KCND3: variants seen among roughly 807,000 people sequenced by gnomAD.
The protein encoded by KCND3 is potassium voltage-gated channel subfamily D member 3.
KCND3 carries 9 observed loss-of-function variants against 51.1 expected under a neutral mutation model. The observed-to-expected ratio is 0.18, with a 90% CI of 0.11 to 0.31. The LOEUF is 0.31. KCND3 is among the 10% of genes least tolerant of loss of function. KCND3 has a pLI of 1.00. For missense variants in KCND3, 526 were observed against 903.8 expected, an observed-to-expected ratio of 0.58 and a Z score of 5.36; for synonymous variants, 349 against 368.0, an observed-to-expected ratio of 0.95 and a Z score of 0.59.
At chr1:111,966,461 T>C (rs1265296641) in intron 2 of KCND3, among the ~76,000 whole-genome samples, 1 of 151,722 alleles carries the variant, frequency 6.6e-6, no homozygotes, top group African/African-American at 2.4e-5. Flanking sequence ...GAAGAAGGGG[T>C]GAGAGCTCTG....
At chr1:111,827,270 A>G (rs1181985300) in intron 2 of KCND3, among the ~76,000 whole-genome samples, 2 of 152,242 alleles carry the variant, frequency 1.3e-5, no homozygotes, top group African/African-American at 4.8e-5. Flanking sequence ...CATGAGTGAA[A>G]GCAGAGACAG....
Position 111,780,147 on chromosome 1 carries a change from G to T in KCND3, c.1461+78C>A. 1 of 1,365,148 alleles carries T rather than the reference G, an allele frequency of 7.3e-7. No individual in the cohort carries two copies. 84.6% of individuals were successfully genotyped at this position (1,365,148 alleles called of 1,614,324 possible). On this transcript the variant is annotated intron_variant, in intron 5 of 7. Coordinates refer to ENST00000302127, the MANE Select transcript of KCND3 (RefSeq NM_001378969.1). This position sits in a 1 kb window ranked among gnomAD's most constrained non-coding sequence, Gnocchi z 4.2. ...GGGACAGACTTTGACTTCTGGCCCAGAGTGAAGATGTGAGTACAGCCTTAG... is the reference window on the plus strand; with the variant it reads ...GGGACAGACTTTGACTTCTGGCCCATAGTGAAGATGTGAGTACAGCCTTAG...
intron 2 of KCND3, among the ~76,000 whole-genome samples, chr1:111,976,278 C>A (rs372854855): frequency 6.6e-6 from 1 of 152,188 alleles, no homozygotes; most frequent in South Asian, 2.1e-4. Context: ...AGCCAAGTAG[C>A]CAAGAGTTGG....
At chr1:111,986,738 A>G (rs1174263168) in intron 1 of KCND3, among the ~76,000 whole-genome samples, 1 of 152,192 alleles carries the variant, frequency 6.6e-6, no homozygotes, top group Non-Finnish European at 1.5e-5. Flanking sequence ...CCATGCAAAG[A>G]AGGAAGTAGA....
chr1:111,931,825 A>T (rs1479783747), intron 2 of KCND3, among the ~76,000 whole-genome samples: 2 of 152,222 alleles, frequency 1.3e-5, no homozygotes, highest in African/African-American at 4.8e-5. Flanking sequence ...CCACTAGGAC[A>T]TCCCTTAAGA....
chr1:111,797,282 C>T (rs1268296377), intron 2 of KCND3, among the ~76,000 whole-genome samples: 3 of 152,176 alleles, frequency 2.0e-5, no homozygotes, highest in Non-Finnish European at 4.4e-5. Context: ...TCATAGCAAC[C>T]AGCTTCAGAC....
intron 2 of KCND3, among the ~76,000 whole-genome samples, chr1:111,865,293 G>A (rs1422735546): frequency 6.6e-6 from 1 of 152,196 alleles, no homozygotes; most frequent in East Asian, 1.9e-4. Flanking sequence ...TCTTGCCTTC[G>A]GCTATTGAAG....
At chr1:111,938,020 A>T (rs3017624) in intron 2 of KCND3, among the ~76,000 whole-genome samples, 4,250 of 152,242 alleles carry the variant, frequency 0.028, 188 homozygotes, top group African/African-American at 0.096. Context: ...CTCTAGTTTA[A>T]CCTCAACCTG....
intron 2 of KCND3, among the ~76,000 whole-genome samples, chr1:111,828,255 T>C (rs1009531): frequency 0.55 from 84,279 of 152,016 alleles, 25,299 homozygotes; most frequent in Non-Finnish European, 0.67. Context: ...CAGAGCTTGG[T>C]ATTCACACAA....
rs544921079 is a variant in KCND3 at position 111,878,852 on chromosome 1, G to A, written c.1107-91746C>T. Among the ~76,000 whole-genome samples the A allele has an allele frequency of 3.3e-5, 5 of 152,324 alleles. No homozygotes were observed. In the East Asian group the frequency reaches 9.6e-4, roughly 29 times the overall value. On this transcript the variant is annotated intron_variant, in intron 2 of 7. Coordinates refer to ENST00000302127, the MANE Select transcript of KCND3 (RefSeq NM_001378969.1). ...TATTTGTTCAAGCATGACTCTGGGT[G>A]TGTCTGTGAGGGGGGTTTCCTGATG...
intron 2 of KCND3, among the ~76,000 whole-genome samples, chr1:111,796,245 G>A (rs991462995): frequency 5.3e-5 from 8 of 152,138 alleles, no homozygotes; most frequent in Non-Finnish European, 1.0e-4. Flanking sequence ...CGGCATCTTT[G>A]TCATGAAATC....
At chr1:111,959,319 C>T (rs1039512852) in intron 2 of KCND3, among the ~76,000 whole-genome samples, 22 of 152,188 alleles carry the variant, frequency 1.4e-4, no homozygotes, top group African/African-American at 5.3e-4. Context: ...GATGGAGAGA[C>T]AACTATAAAC....
chr1:111,982,186 G>A lies in KCND3; in HGVS notation c.541C>T (p.Leu181=). The A allele has an allele frequency of 4.3e-6, 7 of 1,614,140 alleles. No homozygotes were observed. Among genetic ancestry groups the A allele is most frequent in the Non-Finnish European group, 5.9e-6 (7 of 1,180,012 alleles). ...RAFENPHTST[L]ALVFYYVTGF... ...GTCACGTAGTAGAAGACCAGGGCCA[G>A]CGTGCTGGTGTGGGGGTTCTCGAAG... Residue 181 remains leucine (L), a synonymous_variant, in exon 2 of 8, where the codon CTG becomes TTG. Transcript: ENST00000302127. The surrounding 1 kb of genome is among the most constrained non-coding windows in gnomAD (Gnocchi z 8.5).
At chr1:111,936,285 G>C (rs1672217262) in intron 2 of KCND3, among the ~76,000 whole-genome samples, 1 of 152,184 alleles carries the variant, frequency 6.6e-6, no homozygotes, top group Non-Finnish European at 1.5e-5. Context: ...CAACGTGCCA[G>C]CATTGGTGAG....
intron 2 of KCND3, among the ~76,000 whole-genome samples, chr1:111,818,214 T>C (rs1272865688): frequency 1.3e-5 from 2 of 152,152 alleles, no homozygotes; most frequent in Non-Finnish European, 2.9e-5. Context: ...GGAGCAAGGA[T>C]GGCCTCTGGG....
rs541543518 is a variant in KCND3 at position 111,800,404 on chromosome 1, C to T, written c.1107-13298G>A. On this transcript the variant is annotated intron_variant, in intron 2 of 7. Transcript: ENST00000302127. Reference sequence around the variant, plus strand: ...CAAGTAATCAGGGACACAAACACTGCGGAAGGCCGCAGGGTCCTCTGCCTA... The same window carrying T: ...CAAGTAATCAGGGACACAAACACTGTGGAAGGCCGCAGGGTCCTCTGCCTA... 2.8e-4 allele frequency among the ~76,000 whole-genome samples: 29 copies of T among 105,286 alleles called. No homozygotes were observed. The East Asian group carries it at 3.3e-3, about 12-fold the overall frequency. 69.1% of individuals were successfully genotyped at this position (105,286 alleles called of 152,430 possible).
Position 111,777,124 on chromosome 1 carries a change from G to A in KCND3, c.1668C>T (p.His556=). 1 of 1,614,156 alleles carries A rather than the reference G, an allele frequency of 6.2e-7. No individual in the cohort carries two copies. The highest frequency in any genetic ancestry group is 1.3e-5 in the African/African-American group (1 of 75,048). The change falls in exon 7 of 8, where the codon CAC becomes CAT. Residue 556 remains histidine (H), a synonymous_variant. Transcript: ENST00000302127. ...CCSRRSKKTT[H]LPNSNLPATR... ...TAGCTGGCAGGTTAGAATTGGGCAG[G>A]TGTGTGGTCTTCTTACTACGACGGG... is the stretch of plus-strand genomic sequence containing the variant.
chr1:111,969,350 C>G (rs1426959322), intron 2 of KCND3, among the ~76,000 whole-genome samples: 1 of 152,190 alleles, frequency 6.6e-6, no homozygotes, highest in Non-Finnish European at 1.5e-5. Context: ...TTTTCCTCTC[C>G]TATGCTCAAG....
chr1:111,897,572 G>A (rs1261987687), intron 2 of KCND3, among the ~76,000 whole-genome samples: 1 of 152,242 alleles, frequency 6.6e-6, no homozygotes, highest in Non-Finnish European at 1.5e-5. Flanking sequence ...AGCTGGGTAT[G>A]TGGGTTTCTG....
Sources: allele counts gnomAD v4.1 joint callset (sites outside exome capture counted in the v4.1 genomes callset), GRCh38; gene constraint gnomAD v4.1.1; non-coding constraint Gnocchi (gnomAD v3.1); transcripts MANE v1.5; gene names NCBI Gene and HGNC (gene_info 2026-07-23, HGNC 2026-07-21).